Variants in CSMD3 observed in about 807,000 individuals in gnomAD.
The protein encoded by CSMD3 is CUB and sushi domain-containing protein 3.
A neutral mutation model predicts 435.2 loss-of-function variants in CSMD3; 177 were observed. The observed-to-expected ratio is 0.41, with a 90% CI of 0.36 to 0.46. The LOEUF is 0.46. Ranked by LOEUF, CSMD3 falls within the 20% of genes least tolerant of loss-of-function variation. CSMD3 has a pLI of 0.34. For missense variants in CSMD3, 4,265 were observed against 4,504.6 expected, an observed-to-expected ratio of 0.95 and a Z score of 1.52; for synonymous variants, 1,656 against 1,520.5, an observed-to-expected ratio of 1.09 and a Z score of -2.07.
chr8:112,911,748 C>T (rs1458995), intron 10 of CSMD3, among the ~76,000 whole-genome samples: 125,890 of 146,716 alleles, frequency 0.86, 54,255 homozygotes, highest in African/African-American at 0.94. Flanking sequence ...ATTATGTATA[C>T]ATTATAATAT....
chr8:113,306,730 C>T (rs2093824540), intron 2 of CSMD3, among the ~76,000 whole-genome samples: 1 of 152,058 alleles, frequency 6.6e-6, no homozygotes, highest in African/African-American at 2.4e-5. Context: ...TATGGGGATG[C>T]TGCCAACATT....
intron 4 of CSMD3, among the ~76,000 whole-genome samples, chr8:113,138,501 A>G (rs956694616): frequency 6.6e-6 from 1 of 151,478 alleles, no homozygotes; most frequent in African/African-American, 2.4e-5. Context: ...CTAAAGATAA[A>G]TTCATTATAC....
intron 32 of CSMD3, among the ~76,000 whole-genome samples, chr8:112,446,875 C>T (rs979189809): frequency 6.6e-6 from 1 of 152,068 alleles, no homozygotes; most frequent in African/African-American, 2.4e-5. Context: ...CCTTGACATT[C>T]CCTTGGGCTA....
At chr8:112,956,393 T>C (rs890796589) in intron 7 of CSMD3, among the ~76,000 whole-genome samples, 2 of 152,138 alleles carry the variant, frequency 1.3e-5, no homozygotes, top group African/African-American at 4.8e-5. Flanking sequence ...ATGTGAATTT[T>C]CTGCTGTCTC....
At chr8:113,168,482 C>G (rs1438443928) in intron 4 of CSMD3, among the ~76,000 whole-genome samples, 1 of 123,894 alleles carries the variant, frequency 8.1e-6, no homozygotes, top group Non-Finnish European at 1.6e-5. Context: ...GATCGTGCCA[C>G]TGCACTCCAG....
chr8:113,301,441 A>G (rs2093766532), intron 2 of CSMD3, among the ~76,000 whole-genome samples: 2 of 152,056 alleles, frequency 1.3e-5, no homozygotes, highest in Non-Finnish European at 1.5e-5. Context: ...TTTTTAAATA[A>G]TCACATCTCA....
Position 113,034,950 on chromosome 8 carries a change from G to A in CSMD3, c.918-15771C>T, listed in dbSNP as rs1464279149. The stretch of plus-strand genomic sequence containing the variant: ...CTGATACTACTGAAGGAATAGACAA[G>A]TCTACAACTACAGTTAGAGATTTTA... On this transcript the variant is annotated intron_variant, in intron 5 of 70. Coordinates refer to ENST00000297405, the MANE Select transcript of CSMD3 (RefSeq NM_198123.2). Among the ~76,000 whole-genome samples the A allele has an allele frequency of 5.3e-5, 8 of 152,054 alleles. No individual in the cohort carries two copies. The East Asian group carries it at 1.5e-3, about 29-fold the overall frequency.
chr8:112,383,726 C>A, intron 36 of CSMD3, 63 bp from the exon 37 acceptor site: 3 of 974,136 alleles, frequency 3.1e-6, no homozygotes, highest in Non-Finnish European at 5.0e-6. Flanking sequence ...AACTATAGTC[C>A]ACCAATCCCC....
intron 6 of CSMD3, chr8:113,018,800 T>C: frequency 2.3e-6 from 1 of 435,984 alleles, no homozygotes; most frequent in Non-Finnish European, 4.1e-6. Context: ...TGAAGCACTT[T>C]ATTAAAGAAA....
intron 16 of CSMD3, among the ~76,000 whole-genome samples, chr8:112,672,824 A>G (rs892454721): frequency 2.3e-4 from 35 of 152,238 alleles, no homozygotes; most frequent in African/African-American, 8.2e-4. Context: ...TTTAAGAAGA[A>G]AGGATACATT....
At chr8:113,372,127 A>G (rs1328108608) in intron 1 of CSMD3, among the ~76,000 whole-genome samples, 1 of 152,156 alleles carries the variant, frequency 6.6e-6, no homozygotes, top group African/African-American at 2.4e-5. Flanking sequence ...TTTTTATCTT[A>G]TATTTTAAAT....
intron 32 of CSMD3, among the ~76,000 whole-genome samples, chr8:112,417,834 A>G (rs1379700509): frequency 6.6e-6 from 1 of 152,190 alleles, no homozygotes; most frequent in African/African-American, 2.4e-5. Context: ...TCATCACAAA[A>G]GAAATAGTTC....
chr8:113,394,207 A>G (rs1461770007), intron 1 of CSMD3, among the ~76,000 whole-genome samples: 1 of 151,596 alleles, frequency 6.6e-6, no homozygotes, highest in Non-Finnish European at 1.5e-5. Context: ...GTTTAATGGT[A>G]AACATACTTG....
At chr8:112,467,515 C>A (rs1416372901) in intron 32 of CSMD3, among the ~76,000 whole-genome samples, 2 of 140,828 alleles carry the variant, frequency 1.4e-5, no homozygotes, top group Non-Finnish European at 3.1e-5. Flanking sequence ...AGATTTTCTA[C>A]ATAAAATTAT....
At chr8:112,533,286 T>A (rs908035862) in intron 27 of CSMD3, among the ~76,000 whole-genome samples, 6 of 151,956 alleles carry the variant, frequency 3.9e-5, no homozygotes. Flanking sequence ...AATAATGGCA[T>A]TGAATGTAAA....
In CSMD3 at chr8:112,311,144, T is replaced by C. The variant is rs1376363546; in HGVS notation, c.7719A>G (p.Glu2573=). The change falls in exon 50 of 71, where the codon GAA becomes GAG. Residue 2573 remains glutamate, a synonymous_variant. Coordinates refer to ENST00000297405, the MANE Select transcript of CSMD3 (RefSeq NM_198123.2). ...RYIAFYCSTP[E]SPPHGYIISQ... is the part of the protein sequence containing the mutation. ...TGATAATATATCCATGAGGTGGGGA[T>C]TCTGGTGTACTACAGTAGAAAGCTT... The C allele has an allele frequency of 6.2e-7, 1 of 1,613,988 alleles. No individual in the cohort carries two copies. The highest frequency in any genetic ancestry group is 8.5e-7 in the Non-Finnish European group (1 of 1,179,910).
chr8:113,047,940 T>C (rs911382695), intron 5 of CSMD3, among the ~76,000 whole-genome samples: 4 of 152,186 alleles, frequency 2.6e-5, no homozygotes, highest in Non-Finnish European at 5.9e-5. Flanking sequence ...GTCTGTATCT[T>C]ATAAAGTTTT....
At chr8:113,283,631 G>A (rs1422281250) in intron 2 of CSMD3, among the ~76,000 whole-genome samples, 3 of 152,046 alleles carry the variant, frequency 2.0e-5, no homozygotes, top group Admixed American at 1.3e-4. Context: ...ACTACTGGTG[G>A]GAATGTAATC....
At chr8:112,488,130 G>A (rs756640056) in intron 31 of CSMD3, among the ~76,000 whole-genome samples, 1 of 152,068 alleles carries the variant, frequency 6.6e-6, no homozygotes, top group Non-Finnish European at 1.5e-5. Flanking sequence ...ATTTACTTCT[G>A]ACAAATATAA....
Sources: allele counts gnomAD v4.1 joint callset (sites outside exome capture counted in the v4.1 genomes callset), GRCh38; gene constraint gnomAD v4.1.1; transcripts MANE v1.5; gene names NCBI Gene and HGNC (gene_info 2026-07-23, HGNC 2026-07-21).